Variants in TBC1D4 observed in about 807,000 individuals in gnomAD.
TBC1D4 encodes the protein TBC1 domain family member 4.
In TBC1D4, 121 loss-of-function variants were observed where a neutral mutation model predicts 142.5. The ratio of observed to expected loss-of-function variants is 0.85; its 90% CI spans 0.73 to 0.99. The LOEUF is 0.99. Among genes scored for constraint, TBC1D4 ranks in the 50% least tolerant of loss-of-function variants. The pLI, the probability that TBC1D4 is intolerant of heterozygous loss-of-function variation, is 0.00. For synonymous variants in TBC1D4, 630 were observed against 628.2 expected (o/e 1.00, Z -0.04); for missense variants, 1,475 against 1,606.6 (o/e 0.92, Z 1.40).
At chr13:75,403,999 T>G (rs182260346) in intron 1 of TBC1D4, among the ~76,000 whole-genome samples, 3 of 152,006 alleles carry the variant, frequency 2.0e-5, no homozygotes, top group Non-Finnish European at 1.5e-5. Context: ...AAATCAGGTA[T>G]TTATATATAT....
At chr13:75,366,952 C>G (rs1272434077) in intron 1 of TBC1D4, 1 of 985,214 alleles carries the variant, frequency 1.0e-6, no homozygotes, top group Admixed American at 6.2e-5. Flanking sequence ...GAGGTGGTCA[C>G]GAAGAGCAAT....
chr13:75,398,710 A>G (rs9285295), intron 1 of TBC1D4, among the ~76,000 whole-genome samples: 74,049 of 152,002 alleles, frequency 0.49, 18,223 homozygotes, highest in Non-Finnish European at 0.52. Flanking sequence ...AGTCCCTCTC[A>G]GCAAAAGATT....
intron 1 of TBC1D4, among the ~76,000 whole-genome samples, chr13:75,448,643 A>G (rs1223281304): frequency 2.0e-5 from 3 of 151,982 alleles, no homozygotes; most frequent in South Asian, 2.1e-4. Flanking sequence ...TGTAGTGAAC[A>G]TATTAATTAA....
intron 5 of TBC1D4, among the ~76,000 whole-genome samples, chr13:75,346,953 C>T (rs1881198220): frequency 6.6e-6 from 1 of 152,202 alleles, no homozygotes; most frequent in African/African-American, 2.4e-5. Context: ...TGCCATTGAT[C>T]GACATTTAGA....
At chr13:75,359,731 TG>T (rs762581227) in intron 3 of TBC1D4, 37 bp downstream of exon 3, 1 of 1,460,634 alleles carries the variant, frequency 6.8e-7, no homozygotes, top group South Asian at 1.2e-5. Context: ...GAAACAAGAT[TG>T]GTCTCTTCAC....
chr13:75,473,835 A>C (rs1267538005), intron 1 of TBC1D4, among the ~76,000 whole-genome samples: 1 of 152,374 alleles, frequency 6.6e-6, no homozygotes, highest in South Asian at 2.1e-4. Flanking sequence ...ACAGATATCA[A>C]AGACATATTA....
chr13:75,302,261 C>A lies in TBC1D4; in HGVS notation c.2893G>T (p.Ala965Ser), dbSNP rs776555861. ...LLKQLTAQQH[A>S]ILVDLGRTFP... Reference sequence around the variant, plus strand: ...AACATACCTAAATCCACGAGAATCGCATGCTGCTGAGCAGTGAGCTGCTTC... The same window carrying A: ...AACATACCTAAATCCACGAGAATCGAATGCTGCTGAGCAGTGAGCTGCTTC... Residue 965 changes from alanine (A) to serine (S), a missense_variant, in exon 16 of 21, where the codon GCG (alanine) becomes TCG (serine). Around this residue, in one of 2 missense-constraint regions of TBC1D4, gnomAD observed 1,227 missense variants for 1,267.7 expected, o/e 0.97. Transcript: ENST00000377636. The A allele has an allele frequency of 4.3e-6, 7 of 1,614,060 alleles. No individual in the cohort carries two copies. The highest frequency in any genetic ancestry group is 5.1e-6 in the Non-Finnish European group (6 of 1,180,036).
In TBC1D4 at chr13:75,312,850, G is replaced by T; in HGVS notation, c.2271C>A (p.Ser757=). 1 of 1,614,096 alleles carries T rather than the reference G, an allele frequency of 6.2e-7. No homozygotes were observed. Among genetic ancestry groups the T allele is most frequent in the Non-Finnish European group, 8.5e-7 (1 of 1,180,010 alleles). ...TGACAGAGGTTCCTCCCACACTTAG[G>T]GACTCATTGCTGCAGGTAGATGAGG... is the stretch of plus-strand genomic sequence containing the variant. The part of the protein sequence containing the change: ...KRTSSTCSNE[S]LSVGGTSVTP... Residue 757 remains serine (S), a synonymous_variant, in exon 13 of 21, where the codon TCC becomes TCA. Coordinates refer to ENST00000377636, the MANE Select transcript of TBC1D4 (RefSeq NM_014832.5).
chr13:75,323,298 A>C (rs1158377610), intron 11 of TBC1D4, among the ~76,000 whole-genome samples: 1 of 152,106 alleles, frequency 6.6e-6, no homozygotes, highest in African/African-American at 2.4e-5. Flanking sequence ...ATAAAATGTA[A>C]TGTATGAAAT....
At chr13:75,387,249 C>T (rs759746013) in intron 1 of TBC1D4, among the ~76,000 whole-genome samples, 1 of 152,140 alleles carries the variant, frequency 6.6e-6, no homozygotes, top group Non-Finnish European at 1.5e-5. Flanking sequence ...TCTGCCATGA[C>T]ATGAAGAACA....
At chr13:75,398,391 G>C (rs1214698539) in intron 1 of TBC1D4, among the ~76,000 whole-genome samples, 2 of 152,214 alleles carry the variant, frequency 1.3e-5, no homozygotes, top group African/African-American at 2.4e-5. Context: ...GAAATGGCTA[G>C]TGGGTCTGAA....
intron 8 of TBC1D4, among the ~76,000 whole-genome samples, chr13:75,336,525 T>C (rs376376456): frequency 8.0e-4 from 122 of 152,272 alleles, no homozygotes; most frequent in African/African-American, 2.8e-3. Context: ...CTGACCAACA[T>C]GGTAAAAACC....
At chr13:75,380,573 GAATTTACAAAC>G (rs906484897) in intron 1 of TBC1D4, among the ~76,000 whole-genome samples, 4 of 150,900 alleles carry the variant, frequency 2.7e-5, no homozygotes, top group African/African-American at 9.8e-5. Flanking sequence ...ATGAAACACT[GAATTTACAAAC>G]AATCAATCCC....
intron 1 of TBC1D4, among the ~76,000 whole-genome samples, chr13:75,377,653 T>A (rs1417417388): frequency 6.7e-6 from 1 of 148,856 alleles, no homozygotes; most frequent in Non-Finnish European, 1.5e-5. Context: ...AAAATATATA[T>A]TATATATATA....
At chr13:75,304,196 A>G (rs1876914618) in intron 15 of TBC1D4, among the ~76,000 whole-genome samples, 1 of 152,246 alleles carries the variant, frequency 6.6e-6, no homozygotes, top group Non-Finnish European at 1.5e-5. Context: ...TCATTTTTAG[A>G]AGGTAACTAT....
Position 75,481,610 on chromosome 13 carries a change from G to A in TBC1D4, c.158C>T (p.Pro53Leu). Residue 53 changes from proline to leucine, a missense_variant, in exon 1 of 21, where the codon CCT becomes CTT. By Grantham distance (98) the Pro-to-Leu change is moderately conservative. Transcript: ENST00000377636. ...CTCGGCCATGAGCCAGGGCAGCATA[G>A]GCAGCGTGGTCCTGTGGTCCAGGCA... Reference protein sequence around the residue: ...GSCLDHRTTLPMLPWLMAEIR... With the variant: ...GSCLDHRTTLLMLPWLMAEIR... 1 of 1,608,736 alleles carries A rather than the reference G, an allele frequency of 6.2e-7. No individual in the cohort carries two copies. Among genetic ancestry groups the A allele is most frequent in the Non-Finnish European group, 8.5e-7 (1 of 1,177,976 alleles).
intron 12 of TBC1D4, among the ~76,000 whole-genome samples, chr13:75,315,460 T>C (rs1878243730): frequency 6.6e-6 from 1 of 150,748 alleles, no homozygotes; most frequent in African/African-American, 2.4e-5. Flanking sequence ...ACTTGCACTT[T>C]GGAAAACATT....
At chr13:75,290,205 A>C (rs1047693590) in intron 19 of TBC1D4, among the ~76,000 whole-genome samples, 5 of 152,120 alleles carry the variant, frequency 3.3e-5, no homozygotes, top group Admixed American at 2.0e-4. Flanking sequence ...TAAGCAAAGA[A>C]ACATGTAATA....
At chr13:75,316,926 T>C (rs772483429) in intron 12 of TBC1D4, among the ~76,000 whole-genome samples, 34 of 152,218 alleles carry the variant, frequency 2.2e-4, no homozygotes, top group Non-Finnish European at 4.6e-4. Context: ...GTGTTTACTG[T>C]AATAATAATA....
Sources: gnomAD v4.1 joint callset for allele counts (sites outside exome capture counted in the v4.1 genomes callset) on GRCh38, gnomAD v4.1.1 for gene constraint, gnomAD v4.1.1 regional missense constraint, MANE v1.5 for transcripts, NCBI Gene and HGNC (gene_info 2026-07-23, HGNC 2026-07-21) for gene names.